The following RANBP17 variants were observed in gnomAD, a reference collection of about 807,000 sequenced individuals.
RANBP17 encodes the protein ran-binding protein 17.
In RANBP17, 158 loss-of-function variants were observed where a neutral mutation model predicts 141.2. The observed-to-expected ratio is 1.12, with a 90% CI of 0.98 to 1.28. RANBP17 has a LOEUF of 1.28. RANBP17 is among the 50% of genes most tolerant of loss of function. RANBP17 has a pLI of 0.00. For synonymous variants in RANBP17, 430 were observed against 450.0 expected (o/e 0.96, Z 0.56); for missense variants, 1,438 against 1,290.7 (o/e 1.11, Z -1.75).
intron 21 of RANBP17, among the ~76,000 whole-genome samples, chr5:171,215,872 G>C (rs1050799177): frequency 6.6e-6 from 1 of 152,124 alleles, no homozygotes; most frequent in Admixed American, 6.5e-5. Context: ...TCACTCTGAT[G>C]ATAGTTTCTT....
chr5:171,054,879 T>A (rs1042916856), intron 14 of RANBP17, among the ~76,000 whole-genome samples: 4 of 152,160 alleles, frequency 2.6e-5, no homozygotes, highest in African/African-American at 7.2e-5. Flanking sequence ...CAGGTGATGA[T>A]ATACATGTCT....
Position 170,972,357 on chromosome 5 carries a change from T to C in RANBP17, c.1710+3980T>C, listed in dbSNP as rs571330481. On this transcript the variant is annotated intron_variant, in intron 14 of 27. Transcript: ENST00000523189. ...CCACCGCGCCTGGCTAATTTTTTTG[T>C]ATTTTTAGTAGAGACGAGGTTTCAC... 3.9e-5 allele frequency among the ~76,000 whole-genome samples: 6 copies of C among 152,168 alleles called. No homozygotes were observed. In the South Asian group the frequency reaches 1.0e-3, roughly 26 times the overall value.
chr5:170,918,961 A>C, intron 10 of RANBP17, 102 bp downstream of exon 10: 1 of 651,468 alleles, frequency 1.5e-6, no homozygotes, highest in African/African-American at 1.9e-5. Flanking sequence ...TAATTTGATT[A>C]CTTTGCTGGA....
chr5:171,069,931 C>G (rs900494349), intron 14 of RANBP17, among the ~76,000 whole-genome samples: 1 of 152,150 alleles, frequency 6.6e-6, no homozygotes, highest in Non-Finnish European at 1.5e-5. Context: ...TAAAAACGGT[C>G]TGCCAAACCT....
chr5:170,920,963 T>G (rs1772402524), intron 11 of RANBP17, among the ~76,000 whole-genome samples: 1 of 152,224 alleles, frequency 6.6e-6, no homozygotes, highest in African/African-American at 2.4e-5. Context: ...TAAATTTGTT[T>G]AAGTTCTTTG....
intron 14 of RANBP17, among the ~76,000 whole-genome samples, chr5:171,131,928 A>G (rs192304152): frequency 1.3e-5 from 2 of 152,338 alleles, no homozygotes; most frequent in Non-Finnish European, 2.9e-5. Context: ...CCTATAGCTC[A>G]GATGCAATGA....
chr5:170,874,369 A>G (rs763555375), intron 1 of RANBP17, among the ~76,000 whole-genome samples: 1 of 152,164 alleles, frequency 6.6e-6, no homozygotes, highest in Non-Finnish European at 1.5e-5. Flanking sequence ...GCTGAATTCA[A>G]GTCCTGAATA....
chr5:171,257,857 G>A (rs1766004733), intron 24 of RANBP17, among the ~76,000 whole-genome samples: 1 of 152,026 alleles, frequency 6.6e-6, no homozygotes, highest in Admixed American at 6.6e-5. Flanking sequence ...TGTAATCCCA[G>A]CATTTTGGGA....
At chr5:170,874,507 A>G (rs1358331353) in intron 1 of RANBP17, among the ~76,000 whole-genome samples, 1 of 152,136 alleles carries the variant, frequency 6.6e-6, no homozygotes, top group Non-Finnish European at 1.5e-5. Context: ...ATGAATCTGG[A>G]TGCTCCTGCA....
intron 13 of RANBP17, among the ~76,000 whole-genome samples, chr5:170,965,011 C>T (rs988200507): frequency 2.0e-5 from 3 of 152,206 alleles, no homozygotes; most frequent in African/African-American, 7.2e-5. Flanking sequence ...TACAGTCCCA[C>T]CAACTGTGTG....
chr5:170,972,779 T>C (rs1299050573), intron 14 of RANBP17, among the ~76,000 whole-genome samples: 1 of 152,192 alleles, frequency 6.6e-6, no homozygotes, highest in Non-Finnish European at 1.5e-5. Flanking sequence ...TTAGGTTGCC[T>C]TCCTAAGTGT....
rs1159344330 is a variant in RANBP17 at position 170,955,648 on chromosome 5, G to GTATATATA, written c.1574+1973_1574+1980dup. On this transcript the variant is annotated intron_variant, in intron 13 of 27. Coordinates refer to ENST00000523189, the MANE Select transcript of RANBP17 (RefSeq NM_022897.5). The stretch of plus-strand genomic sequence containing the variant: ...ATATATATATATATATATGCTCAGT[G>GTATATATA]TATATATATATATATATATATATAT... 8.9e-3 allele frequency among the ~76,000 whole-genome samples: 192 copies of GTATATATA among 21,666 alleles called. 11 individuals are homozygous for GTATATATA. The highest frequency in any genetic ancestry group is 0.011 in the Non-Finnish European group (117 of 11,050). 14.2% of individuals were successfully genotyped at this position (21,666 alleles called of 152,430 possible).
chr5:170,896,197 TAGAC>T (rs1450198437), intron 5 of RANBP17, 82 bp downstream of exon 5: 93 of 934,384 alleles, frequency 1.0e-4, no homozygotes, highest in Non-Finnish European at 1.2e-4. Flanking sequence ...TGTGGCAAAA[TAGAC>T]AGCCTTCATT....
intron 14 of RANBP17, among the ~76,000 whole-genome samples, chr5:170,972,447 G>C (rs1777058739): frequency 6.6e-6 from 1 of 152,022 alleles, no homozygotes; most frequent in Admixed American, 6.5e-5. Flanking sequence ...GCCTCCCTGA[G>C]TGTTGCAATT....
chr5:171,155,520 T>C (rs1374307559), intron 14 of RANBP17, among the ~76,000 whole-genome samples: 1 of 152,196 alleles, frequency 6.6e-6, no homozygotes, highest in Non-Finnish European at 1.5e-5. Context: ...TATACAATTA[T>C]GATTTATGAT....
intron 22 of RANBP17, among the ~76,000 whole-genome samples, chr5:171,230,188 T>C (rs1165304197): frequency 6.6e-6 from 1 of 152,124 alleles, no homozygotes; most frequent in Non-Finnish European, 1.5e-5. Context: ...TTGAGAAGTA[T>C]TTAGAGTGCC....
At chr5:171,272,788 G>A (rs1258550164) in intron 25 of RANBP17, among the ~76,000 whole-genome samples, 1 of 152,080 alleles carries the variant, frequency 6.6e-6, no homozygotes, top group African/African-American at 2.4e-5. Context: ...CTACAGCCAG[G>A]ACAAAACAGA....
chr5:171,156,831 A>G (rs893138278), intron 14 of RANBP17, among the ~76,000 whole-genome samples: 3 of 152,136 alleles, frequency 2.0e-5, no homozygotes, highest in Non-Finnish European at 1.5e-5. Context: ...TTTTGTGATG[A>G]CAAAGAGGCT....
chr5:170,957,990 A>T (rs1031631134), intron 13 of RANBP17, among the ~76,000 whole-genome samples: 2 of 152,214 alleles, frequency 1.3e-5, no homozygotes, highest in Non-Finnish European at 2.9e-5. Flanking sequence ...GTTCACAGTG[A>T]CTACAGAATA....
Sources: gnomAD v4.1 joint callset for allele counts (sites outside exome capture counted in the v4.1 genomes callset) on GRCh38, gnomAD v4.1.1 for gene constraint, MANE v1.5 for transcripts, NCBI Gene and HGNC (gene_info 2026-07-23, HGNC 2026-07-21) for gene names.